The following CDH18 variants were observed in gnomAD, a reference collection of about 807,000 sequenced individuals.
CDH18 encodes the protein cadherin 18.
In CDH18, 31 loss-of-function variants were observed where a neutral mutation model predicts 67.9. That is an observed-to-expected ratio of 0.46 (90% CI 0.34 to 0.62). The LOEUF (loss-of-function observed/expected upper bound fraction) is 0.62. Ranked by LOEUF, CDH18 falls within the 20% of genes least tolerant of loss-of-function variation. CDH18 has a pLI of 0.01. For synonymous variants in CDH18, 362 were observed against 347.2 expected (o/e 1.04, Z -0.48); for missense variants, 890 against 975.5 (o/e 0.91, Z 1.17).
In CDH18 at chr5:20,290,845, G is replaced by A. The variant is rs140308584; in HGVS notation, c.-579-35340C>T. Among the ~76,000 whole-genome samples the A allele has an allele frequency of 7.2e-5, 11 of 152,270 alleles. No individual in the cohort carries two copies. In the East Asian group the frequency reaches 1.5e-3, roughly 21 times the overall value. ...GGTCCAGAACATTGTGGCATGGTAT[G>A]TCATTCTATGAAGCCTGGTTCTATG... On this transcript the variant is annotated intron_variant, in intron 1 of 14. Transcript: ENST00000507958.
intron 2 of CDH18, among the ~76,000 whole-genome samples, chr5:20,011,260 G>C (rs934266756): frequency 1.3e-5 from 2 of 152,124 alleles, no homozygotes; most frequent in African/African-American, 4.8e-5. Flanking sequence ...CGTTTTGACT[G>C]TCACTGGTGT....
intron 5 of CDH18, among the ~76,000 whole-genome samples, chr5:19,706,543 G>A (rs950213977): frequency 7.2e-5 from 11 of 152,098 alleles, no homozygotes; most frequent in African/African-American, 2.7e-4. Flanking sequence ...CCCTGATTTG[G>A]GAGACTAGCT....
chr5:19,858,900 C>T (rs903659235), intron 2 of CDH18, among the ~76,000 whole-genome samples: 6 of 151,802 alleles, frequency 4.0e-5, no homozygotes, highest in African/African-American at 9.7e-5. Context: ...GCACAATGAG[C>T]ATACAACTAG....
chr5:19,956,928 T>C (rs1796313911), intron 2 of CDH18, among the ~76,000 whole-genome samples: 1 of 151,870 alleles, frequency 6.6e-6, no homozygotes, highest in African/African-American at 2.4e-5. Context: ...GTAGTAGAGG[T>C]GGATGTAAAT....
rs549762357 is a variant in CDH18, at chr5:20,093,905, A to G, written c.-517-101891T>C. ...TAGCATCCAGAAAATTTAGAATTAA[A>G]GAGACCAATGTTTTGAAGAGAAAGG... On this transcript the variant is annotated intron_variant, in intron 2 of 14. Coordinates refer to the CDH18 transcript ENST00000507958. 3.3e-5 allele frequency among the ~76,000 whole-genome samples: 5 copies of G among 152,338 alleles called. No homozygotes were observed. The East Asian group carries it at 9.7e-4, about 29-fold the overall frequency.
intron 1 of CDH18, among the ~76,000 whole-genome samples, chr5:20,403,958 C>T (rs1746007663): frequency 6.6e-6 from 1 of 152,154 alleles, no homozygotes; most frequent in African/African-American, 2.4e-5. Flanking sequence ...CCATTTTCAT[C>T]AAAGATCTTA....
At chr5:19,766,145 C>T (rs1481368634) in intron 3 of CDH18, among the ~76,000 whole-genome samples, 2 of 152,158 alleles carry the variant, frequency 1.3e-5, no homozygotes, top group Non-Finnish European at 2.9e-5. Context: ...TCCCAAATTG[C>T]TGGGATCACA....
chr5:20,421,738 G>T (rs1339734882), intron 1 of CDH18, among the ~76,000 whole-genome samples: 1 of 150,498 alleles, frequency 6.6e-6, no homozygotes, highest in East Asian at 1.9e-4. Flanking sequence ...TCAAATTAAA[G>T]TTCAAGTACT....
At chr5:20,283,179 T>C (rs1252389505) in intron 1 of CDH18, among the ~76,000 whole-genome samples, 3 of 152,054 alleles carry the variant, frequency 2.0e-5, no homozygotes, top group Non-Finnish European at 2.9e-5. Context: ...TTGTAAACTC[T>C]CCAGGACATG....
intron 2 of CDH18, among the ~76,000 whole-genome samples, chr5:20,155,752 A>G (rs72743042): frequency 0.36 from 54,078 of 151,894 alleles, 10,291 homozygotes; most frequent in Admixed American, 0.44. Context: ...ATTTTTGTAT[A>G]TGGTAAGAGA....
At chr5:20,374,307 G>A (rs181152284) in intron 1 of CDH18, among the ~76,000 whole-genome samples, 8 of 152,284 alleles carry the variant, frequency 5.3e-5, no homozygotes, top group African/African-American at 1.4e-4. Context: ...TATCTATTGA[G>A]AAAGAAATTA....
intron 1 of CDH18, among the ~76,000 whole-genome samples, chr5:20,458,919 C>T (rs1055120313): frequency 2.0e-5 from 3 of 152,010 alleles, no homozygotes; most frequent in South Asian, 4.1e-4. Flanking sequence ...TAAATGTGTA[C>T]GTGTGTATAT....
chr5:19,860,454 G>T (rs1295360267), intron 2 of CDH18, among the ~76,000 whole-genome samples: 5 of 131,762 alleles, frequency 3.8e-5, no homozygotes, highest in South Asian at 2.4e-4. Flanking sequence ...TTCCTATTAT[G>T]GCACTTTTTG....
intron 2 of CDH18, among the ~76,000 whole-genome samples, chr5:20,064,510 T>C (rs1047007189): frequency 6.6e-6 from 1 of 152,284 alleles, no homozygotes; most frequent in South Asian, 2.1e-4. Context: ...TAGAAATACA[T>C]TTTATCTCAT....
intron 4 of CDH18, among the ~76,000 whole-genome samples, chr5:19,733,490 G>A (rs1767888755): frequency 6.6e-6 from 1 of 152,062 alleles, no homozygotes; most frequent in Non-Finnish European, 1.5e-5. Context: ...GAGCTGTTTG[G>A]TCACTCAATA....
chr5:19,485,690 G>A lies in CDH18; in HGVS notation c.1631-2138C>T, dbSNP rs1372451134. ...TTTTGTGGAAGCAGATCTATCAGCT[G>A]TAGGATGTTGCATCACAATGAACAG... On this transcript the variant is annotated intron_variant, in intron 11 of 12. Transcript: ENST00000382275. Among the ~76,000 whole-genome samples the A allele has an allele frequency of 5.3e-5, 8 of 152,216 alleles. No individual in the cohort carries two copies. The East Asian group carries it at 1.5e-3, about 29-fold the overall frequency.
At chr5:20,231,630 AGAAAG>A in intron 2 of CDH18, among the ~76,000 whole-genome samples, 1 of 151,036 alleles carries the variant, frequency 6.6e-6, no homozygotes, top group South Asian at 2.1e-4. Flanking sequence ...AGAAAAGAAA[AGAAAG>A]GAAAAGAAAA....
intron 2 of CDH18, among the ~76,000 whole-genome samples, chr5:19,919,784 TATA>T (rs930521302): frequency 4.1e-4 from 62 of 152,328 alleles, no homozygotes; most frequent in Middle Eastern, 3.4e-3. Flanking sequence ...ATGGTGATAA[TATA>T]ATAATAAAGA....
intron 2 of CDH18, among the ~76,000 whole-genome samples, chr5:19,884,403 C>G (rs1787974211): frequency 6.6e-6 from 1 of 152,072 alleles, no homozygotes. Flanking sequence ...TTATTAAATA[C>G]TGCCTAACAG....
Sources: allele counts gnomAD v4.1 joint callset (sites outside exome capture counted in the v4.1 genomes callset), GRCh38; gene constraint gnomAD v4.1.1; transcripts MANE v1.5; gene names NCBI Gene and HGNC (gene_info 2026-07-23, HGNC 2026-07-21).